NAV2: variants seen among roughly 807,000 people sequenced by gnomAD.
NAV2 encodes the protein helicase, APC down-regulated 1.
NAV2 carries 54 observed loss-of-function variants against 223.2 expected under a neutral mutation model. The ratio of observed to expected loss-of-function variants is 0.24; its 90% CI spans 0.19 to 0.30. NAV2 has a LOEUF of 0.30. Ranked by LOEUF, NAV2 falls within the 10% of genes least tolerant of loss-of-function variation. The probability of loss-of-function intolerance (pLI) is 1.00; values close to 1 mark genes in which losing one functional copy is unlikely to be tolerated. For missense variants in NAV2, 2,806 were observed against 3,147.5 expected, an observed-to-expected ratio of 0.89 and a Z score of 2.60; for synonymous variants, 1,279 against 1,239.3, an observed-to-expected ratio of 1.03 and a Z score of -0.67.
At chr11:19,565,218 CAT>C (rs2045230280) in intron 1 of NAV2, among the ~76,000 whole-genome samples, 1 of 152,190 alleles carries the variant, frequency 6.6e-6, no homozygotes, top group African/African-American at 2.4e-5. Context: ...TGTCCTTTTA[CAT>C]ATGTTTACTC....
At chr11:20,084,619 G>A (rs1464629903) in intron 26 of NAV2, among the ~76,000 whole-genome samples, 2 of 152,172 alleles carry the variant, frequency 1.3e-5, no homozygotes, top group Non-Finnish European at 2.9e-5. Context: ...GCCCTGCAGT[G>A]CCCAGCCCAG....
chr11:19,807,608 C>T (rs1350538743), intron 1 of NAV2, among the ~76,000 whole-genome samples: 1 of 152,232 alleles, frequency 6.6e-6, no homozygotes, highest in Non-Finnish European at 1.5e-5. Flanking sequence ...TTCTCTCTCC[C>T]TCTAGATTCT....
At chr11:19,881,685 G>A (rs1395384980) in intron 5 of NAV2, among the ~76,000 whole-genome samples, 1 of 152,168 alleles carries the variant, frequency 6.6e-6, no homozygotes, top group Non-Finnish European at 1.5e-5. Context: ...TGAGATTGCC[G>A]AGGTGCCTGC....
At chr11:19,926,205 T>A (rs549468739) in intron 6 of NAV2, among the ~76,000 whole-genome samples, 140 of 152,298 alleles carry the variant, frequency 9.2e-4, no homozygotes, top group African/African-American at 2.6e-3. Flanking sequence ...ATTGTATAGA[T>A]CCTCATCCTT....
At chr11:20,015,767 C>T (rs1018982035) in intron 11 of NAV2, among the ~76,000 whole-genome samples, 4 of 152,088 alleles carry the variant, frequency 2.6e-5, no homozygotes, top group South Asian at 2.1e-4. Context: ...ATAGGAGGAG[C>T]GACTATAGTG....
intron 1 of NAV2, among the ~76,000 whole-genome samples, chr11:19,499,693 A>C (rs1158347320): frequency 6.6e-6 from 1 of 152,176 alleles, no homozygotes. Context: ...TATTGTGTAG[A>C]GTAAATGTGA....
At chr11:19,785,646 G>GATTTTTTTTTT (rs2057052113) in intron 1 of NAV2, among the ~76,000 whole-genome samples, 1 of 129,152 alleles carries the variant, frequency 7.7e-6, no homozygotes, top group African/African-American at 3.1e-5. Context: ...GCGTCAGCTG[G>GATTTTTTTTTT]CTTTTTTTTT....
intron 1 of NAV2, among the ~76,000 whole-genome samples, chr11:19,518,945 T>G (rs2043553197): frequency 6.6e-6 from 1 of 152,156 alleles, no homozygotes; most frequent in African/African-American, 2.4e-5. Flanking sequence ...CCCTCACCTT[T>G]TCTGCTGTGT....
intron 26 of NAV2, among the ~76,000 whole-genome samples, chr11:20,090,374 A>G (rs2060754512): frequency 1.3e-5 from 2 of 152,102 alleles, no homozygotes; most frequent in Non-Finnish European, 2.9e-5. Flanking sequence ...TTATCCTTAT[A>G]TTCCTGGAAT....
chr11:19,805,415 TG>T (rs11346577), intron 1 of NAV2, among the ~76,000 whole-genome samples: 17,439 of 152,186 alleles, frequency 0.11, 1,035 homozygotes, highest in Non-Finnish European at 0.12. Flanking sequence ...AATTTTGAGA[TG>T]GGGGTTTGGC....
chr11:19,706,550 T>C lies in NAV2; in HGVS notation c.76-125934T>C, dbSNP rs115727037. 1.9e-3 allele frequency among the ~76,000 whole-genome samples: 285 copies of C among 152,336 alleles called. 1 individual carries two copies. Among genetic ancestry groups the C allele is most frequent in the African/African-American group, 6.6e-3 (275 of 41,584 alleles). ...TTATTCCCCTGTTTGGTTTCCCTAC[T>C]AGATTGTGAGTTGTTTCTGTTTTTC... On this transcript the variant is annotated intron_variant, in intron 1 of 37. Transcript: ENST00000360655.
chr11:19,770,171 A>G (rs1442349557), intron 1 of NAV2, among the ~76,000 whole-genome samples: 1 of 152,226 alleles, frequency 6.6e-6, no homozygotes, highest in East Asian at 1.9e-4. Context: ...GTTAGAAGCC[A>G]TTGAACTTTT....
intron 11 of NAV2, among the ~76,000 whole-genome samples, chr11:20,033,111 C>T (rs1345991054): frequency 6.6e-6 from 1 of 152,224 alleles, no homozygotes; most frequent in Non-Finnish European, 1.5e-5. Context: ...TAGACATTTG[C>T]TTTTTAAACC....
chr11:19,907,341 C>T (rs1008878718), intron 6 of NAV2, among the ~76,000 whole-genome samples: 1 of 152,092 alleles, frequency 6.6e-6, no homozygotes, highest in African/African-American at 2.4e-5. Context: ...TCTGATAAAC[C>T]GTGATGAAAA....
At chr11:19,392,657 G>A (rs1849295523) in intron 1 of NAV2, among the ~76,000 whole-genome samples, 1 of 152,170 alleles carries the variant, frequency 6.6e-6, no homozygotes, top group African/African-American at 2.4e-5. Flanking sequence ...CCAGCATTCT[G>A]TTCATTGGGA....
At chr11:20,041,958 T>A (rs890511876) in intron 12 of NAV2, among the ~76,000 whole-genome samples, 13 of 152,220 alleles carry the variant, frequency 8.5e-5, no homozygotes, top group African/African-American at 2.7e-4. Context: ...TATAATAGTC[T>A]TCGTAGTCTA....
chr11:19,442,488 G>A (rs1164993590), intron 1 of NAV2, among the ~76,000 whole-genome samples: 6 of 152,256 alleles, frequency 3.9e-5, no homozygotes, highest in African/African-American at 1.2e-4. Context: ...CCCCAGAGAG[G>A]TGACTCATGC....
At chr11:19,808,679 TTA>T (rs372417764) in intron 1 of NAV2, among the ~76,000 whole-genome samples, 14 of 152,342 alleles carry the variant, frequency 9.2e-5, no homozygotes, top group African/African-American at 3.4e-4. Flanking sequence ...GTTGGTACAA[TTA>T]TGTAGAATGT....
intron 1 of NAV2, among the ~76,000 whole-genome samples, chr11:19,609,493 G>C (rs1021980681): frequency 4.6e-5 from 7 of 152,144 alleles, no homozygotes; most frequent in Non-Finnish European, 8.8e-5. Context: ...GTAAGGAAAA[G>C]TATTACAGGT....
Sources: gnomAD v4.1 joint callset for allele counts (sites outside exome capture counted in the v4.1 genomes callset) on GRCh38, gnomAD v4.1.1 for gene constraint, MANE v1.5 for transcripts, NCBI Gene and HGNC (gene_info 2026-07-23, HGNC 2026-07-21) for gene names.